IL1R1: variants seen among roughly 807,000 people sequenced by gnomAD.
The protein encoded by IL1R1 is interleukin-1 receptor type 1.
In IL1R1, 22 loss-of-function variants were observed where a neutral mutation model predicts 50.2. The ratio of observed to expected loss-of-function variants is 0.44; its 90% CI spans 0.31 to 0.63. The LOEUF is 0.63. Ranked by LOEUF, IL1R1 falls within the 20% of genes least tolerant of loss-of-function variation. IL1R1 has a pLI of 0.07. For missense variants in IL1R1, 509 were observed against 676.2 expected, an observed-to-expected ratio of 0.75 and a Z score of 2.74; for synonymous variants, 251 against 236.7, an observed-to-expected ratio of 1.06 and a Z score of -0.55.
chr2:102,119,208 C>T (rs973594990), intron 1 of IL1R1, among the ~76,000 whole-genome samples: 39 of 152,182 alleles, frequency 2.6e-4, no homozygotes, highest in African/African-American at 8.9e-4. Flanking sequence ...AACTTCTCTT[C>T]GATAATTCAA....
chr2:102,078,601 AG>A (rs1356585516), intron 1 of IL1R1, among the ~76,000 whole-genome samples: 11 of 133,446 alleles, frequency 8.2e-5, no homozygotes, highest in South Asian at 7.1e-4. Flanking sequence ...CACACACACA[AG>A]AAAAAAAAAA....
At chr2:102,129,925 A>C (rs1229332701) in intron 1 of IL1R1, among the ~76,000 whole-genome samples, 1 of 152,226 alleles carries the variant, frequency 6.6e-6, no homozygotes. Context: ...TAAAAAAATA[A>C]ATTTTTAACA....
At chr2:102,171,535 G>A (rs930411669) in intron 7 of IL1R1, among the ~76,000 whole-genome samples, 2 of 152,152 alleles carry the variant, frequency 1.3e-5, no homozygotes, top group African/African-American at 4.8e-5. Flanking sequence ...GACAAATCAT[G>A]TGGGCCCAAA....
chr2:102,117,359 G>A (rs1681144653), intron 1 of IL1R1, among the ~76,000 whole-genome samples: 1 of 152,208 alleles, frequency 6.6e-6, no homozygotes, highest in Non-Finnish European at 1.5e-5. Flanking sequence ...AACACAGCTG[G>A]AAAGAGCAGG....
intron 1 of IL1R1, among the ~76,000 whole-genome samples, chr2:102,079,409 T>C (rs1679112511): frequency 6.6e-6 from 1 of 152,082 alleles, no homozygotes; most frequent in African/African-American, 2.4e-5. Flanking sequence ...GTTTGCAAGA[T>C]ACAAAATCAA....
In IL1R1 at chr2:102,171,635, G is replaced by C. The variant is rs574188138; in HGVS notation, c.722-166G>C. On this transcript the variant is annotated intron_variant, in intron 7 of 11. Transcript: ENST00000410023. ...TCACAGAGAAGATAAGGAATGAGAC[G>C]CATAAGGTTACTAATGGTGGTTTTC... 1.2e-3 allele frequency among the ~76,000 whole-genome samples: 176 copies of C among 152,238 alleles called. 1 individual carries two copies. The highest frequency in any genetic ancestry group is 4.0e-3 in the African/African-American group (167 of 41,542).
chr2:102,141,682 C>G (rs1280778546), upstream of IL1R1: 1 of 152,114 alleles, frequency 6.6e-6, no homozygotes, highest in Non-Finnish European at 1.5e-5. Flanking sequence ...GGGTGGGTTA[C>G]GAGAACAAGA....
intron 1 of IL1R1, among the ~76,000 whole-genome samples, chr2:102,116,156 C>T (rs1681059123): frequency 6.6e-6 from 1 of 152,184 alleles, no homozygotes; most frequent in Non-Finnish European, 1.5e-5. Flanking sequence ...GTTCAGATGT[C>T]CCCCAATGCA....
At chr2:102,083,100 T>C (rs994744215) in intron 1 of IL1R1, among the ~76,000 whole-genome samples, 4 of 152,144 alleles carry the variant, frequency 2.6e-5, no homozygotes, top group African/African-American at 9.7e-5. Context: ...ATGCTCCGCA[T>C]GAAGGGATTT....
At chr2:102,149,259 AT>A (rs1683436635) in intron 1 of IL1R1, among the ~76,000 whole-genome samples, 1 of 152,244 alleles carries the variant, frequency 6.6e-6, no homozygotes, top group Non-Finnish European at 1.5e-5. Context: ...GTATTAAATG[AT>A]GCTGTAAATG....
chr2:102,111,706 G>A (rs540101085), intron 1 of IL1R1, among the ~76,000 whole-genome samples: 2 of 152,280 alleles, frequency 1.3e-5, no homozygotes, highest in East Asian at 1.9e-4. Context: ...AGAGGACCCG[G>A]CCACCTCTAG....
At chr2:102,091,440 A>G (rs1679662966) in intron 1 of IL1R1, among the ~76,000 whole-genome samples, 1 of 152,216 alleles carries the variant, frequency 6.6e-6, no homozygotes, top group Non-Finnish European at 1.5e-5. Flanking sequence ...GTCTTGAGAA[A>G]GTGGAAATTA....
intron 1 of IL1R1, among the ~76,000 whole-genome samples, chr2:102,133,624 T>C (rs1263684339): frequency 6.6e-6 from 1 of 152,226 alleles, no homozygotes; most frequent in Non-Finnish European, 1.5e-5. Flanking sequence ...TCCATAAATG[T>C]AATTCACTAT....
rs201015375 is a variant in IL1R1, at chr2:102,168,573, A to C, written c.656-25A>C. 12 of 1,598,112 alleles carry C rather than the reference A, an allele frequency of 7.5e-6. No individual in the cohort carries two copies. In the Admixed American group the frequency reaches 8.3e-5, roughly 11 times the overall value. On this transcript the variant is annotated intron_variant, in intron 6 of 11. Transcript: ENST00000410023. ...GATTCTGATCTATAAGAGACTGACAAACCTTATGGATGTTTTTCTTTCAGA... is the reference window on the plus strand; with the variant it reads ...GATTCTGATCTATAAGAGACTGACACACCTTATGGATGTTTTTCTTTCAGA...
At chr2:102,123,782 A>C (rs1577900048) in intron 1 of IL1R1, among the ~76,000 whole-genome samples, 1 of 8,688 alleles carries the variant, frequency 1.2e-4, no homozygotes, top group Non-Finnish European at 1.8e-4. Flanking sequence ...TGTCTTAATA[A>C]AATAAAATAA....
chr2:102,174,570 T>G lies in IL1R1; in HGVS notation c.992-17T>G. ...GGTTCTAATATTTTTTCTCCTTTTT[T>G]TTTCTTTTTGCTATAGTCACTAATT... On this transcript the variant is annotated splice_polypyrimidine_tract_variant and intron_variant, in intron 9 of 11. Coordinates refer to ENST00000410023, the MANE Select transcript of IL1R1 (RefSeq NM_000877.4). 2.0e-6 allele frequency: 3 copies of G among 1,537,520 alleles called. No homozygotes were observed. Among genetic ancestry groups the G allele is most frequent in the Non-Finnish European group, 2.6e-6 (3 of 1,148,580 alleles).
At position 102,072,228 on chromosome 2, in the gene IL1R1, C is replaced by T. The variant is rs544245935; in HGVS notation, c.-84+1695C>T. Among the ~76,000 whole-genome samples, 4 of 150,742 alleles carry T rather than the reference C, an allele frequency of 2.7e-5. No individual in the cohort carries two copies. In the South Asian group the frequency reaches 8.3e-4, roughly 31 times the overall value. On this transcript the variant is annotated intron_variant, in intron 1 of 11. Transcript: ENST00000409929. The stretch of plus-strand genomic sequence containing the variant: ...TGAGCCGAGATTGTGCCATTGCACT[C>T]CAGCCTGGGTGACAGAGCAAGACTC...
At chr2:102,173,150 G>A (rs1404097492) in intron 9 of IL1R1, among the ~76,000 whole-genome samples, 1 of 152,126 alleles carries the variant, frequency 6.6e-6, no homozygotes, top group African/African-American at 2.4e-5. Context: ...TTCTGTGATG[G>A]TGGCAACCAT....
chr2:102,146,752 C>T (rs1360836340), intron 1 of IL1R1, among the ~76,000 whole-genome samples: 2 of 152,194 alleles, frequency 1.3e-5, no homozygotes, highest in Non-Finnish European at 2.9e-5. Context: ...ATGTTTCCGT[C>T]AGTATGAACG....
Sources: gnomAD v4.1 joint callset for allele counts (sites outside exome capture counted in the v4.1 genomes callset) on GRCh38, gnomAD v4.1.1 for gene constraint, MANE v1.5 for transcripts, NCBI Gene and HGNC (gene_info 2026-07-23, HGNC 2026-07-21) for gene names.